Variants in DRICH1 observed in about 807,000 individuals in gnomAD.
The protein encoded by DRICH1 is aspartate-rich protein 1.
DRICH1 carries 38 observed loss-of-function variants against 39.5 expected under a neutral mutation model. The observed-to-expected ratio is 0.96, with a 90% CI of 0.74 to 1.26. DRICH1 has a LOEUF of 1.26. Among genes scored for constraint, DRICH1 ranks in the 50% most tolerant of loss-of-function variants. The pLI, the probability that DRICH1 is intolerant of heterozygous loss-of-function variation, is 0.00. For missense variants in DRICH1, 279 were observed against 270.4 expected, an observed-to-expected ratio of 1.03 and a Z score of -0.22; for synonymous variants, 84 against 99.5, an observed-to-expected ratio of 0.84 and a Z score of 0.93.
chr22:23,613,193 C>G, intron 11 of DRICH1, 96 bp downstream of exon 11: 1 of 866,594 alleles, frequency 1.2e-6, no homozygotes, highest in Non-Finnish European at 2.0e-6. Context: ...GATTTCATAC[C>G]CCCTCCTTCA....
chr22:23,603,451 C>T, the DRICH1 span, among the ~76,000 whole-genome samples: 73 of 152,224 alleles, frequency 4.8e-4, no homozygotes, highest in Admixed American at 2.0e-3. Flanking sequence ...CTGCTCTACA[C>T]CAGCCTCTCA....
the DRICH1 span, among the ~76,000 whole-genome samples, chr22:23,585,549 T>C: frequency 6.6e-6 from 1 of 151,542 alleles, no homozygotes; most frequent in African/African-American, 2.4e-5. Context: ...TGAGACAGTC[T>C]CACTGTCACC....
chr22:23,584,661 G>A, the DRICH1 span, among the ~76,000 whole-genome samples: 23 of 152,312 alleles, frequency 1.5e-4, no homozygotes, highest in East Asian at 4.2e-3. Flanking sequence ...CCAGGGTGAT[G>A]TTTAATTTTA....
chr22:23,586,001 T>C, the DRICH1 span, among the ~76,000 whole-genome samples: 1 of 152,254 alleles, frequency 6.6e-6, no homozygotes, highest in Admixed American at 6.5e-5. Flanking sequence ...TCTGCAACCC[T>C]TGAATGCAGT....
chr22:23,625,717 G>A lies in DRICH1; in HGVS notation c.276+264C>T, dbSNP rs148159753. On this transcript the variant is annotated intron_variant, in intron 2 of 11. Coordinates refer to ENST00000317749, the MANE Select transcript of DRICH1 (RefSeq NM_016449.4). ...TACCTAAAGCCCCTACCCAACAATC[G>A]ATGTGTGACACCCGGGAAGATTGTG... Among the ~76,000 whole-genome samples the A allele has an allele frequency of 8.4e-3, 1,283 of 152,088 alleles. 27 individuals carry two copies. Among genetic ancestry groups the A allele is most frequent in the East Asian group, 0.079 (409 of 5,178 alleles).
At chr22:23,595,390 G>A in the DRICH1 span, among the ~76,000 whole-genome samples, 1 of 146,554 alleles carries the variant, frequency 6.8e-6, no homozygotes, top group Non-Finnish European at 1.5e-5. Context: ...TGAAATGTTT[G>A]GAGAATTTTT....
intron 4 of DRICH1, 93 bp from the exon 5 acceptor site, chr22:23,620,708 A>G: frequency 6.9e-7 from 1 of 1,441,556 alleles, no homozygotes; most frequent in Non-Finnish European, 9.8e-7. Context: ...ACTTCAGAAA[A>G]CTAGTTGTGA....
At position 23,614,135 on chromosome 22, in the gene DRICH1, G is replaced by A. The variant is rs74953418; in HGVS notation, c.621C>T (p.His207=). ...DEEEEDDDDI[H]ITARIESDLT... is the part of the protein sequence containing the mutation. Reference sequence around the variant, plus strand: ...GAAGACAAAAAAAGGGAGGTCTTACGTGGATGTCATCATCATCTTCTTCTT... The same window carrying A: ...GAAGACAAAAAAAGGGAGGTCTTACATGGATGTCATCATCATCTTCTTCTT... The change falls in exon 9 of 12, where the codon CAC becomes CAT. Residue 207 remains histidine, a splice_region_variant and synonymous_variant. Coordinates refer to ENST00000317749, the MANE Select transcript of DRICH1 (RefSeq NM_016449.4). 12,462 of 1,606,536 alleles carry A rather than the reference G, an allele frequency of 7.8e-3. 68 individuals are homozygous for A. Among genetic ancestry groups the A allele is most frequent in the Non-Finnish European group, 9.2e-3 (10,780 of 1,173,124 alleles).
Position 23,620,576 on chromosome 22 carries a change from T to C in DRICH1, c.406+18A>G, listed in dbSNP as rs1927659109. 6.2e-7 allele frequency: 1 copy of C among 1,612,430 alleles called. No individual in the cohort carries two copies. The highest frequency in any genetic ancestry group is 1.7e-5 in the Admixed American group (1 of 59,982). Reference sequence around the variant, plus strand: ...GCAAGTTTGTTTCTCAGAAAGTGAGTTAGTTCAAGGTACATACCCTGGACA... The same window carrying C: ...GCAAGTTTGTTTCTCAGAAAGTGAGCTAGTTCAAGGTACATACCCTGGACA... On this transcript the variant is annotated intron_variant, in intron 5 of 11. Coordinates refer to ENST00000317749, the MANE Select transcript of DRICH1 (RefSeq NM_016449.4).
intron 3 of DRICH1, chr22:23,624,201 C>T (rs112862120): frequency 0.012 from 11,868 of 985,346 alleles, 82 homozygotes; most frequent in Non-Finnish European, 0.014. Flanking sequence ...TCTGGCACAC[C>T]GCAGAAGAAT....
intron 3 of DRICH1, chr22:23,624,407 A>G (rs1602347258): frequency 4.4e-6 from 4 of 907,092 alleles, no homozygotes; most frequent in Non-Finnish European, 5.3e-6. Flanking sequence ...ACCTGATGAC[A>G]TTAAACTCTG....
the DRICH1 span, among the ~76,000 whole-genome samples, chr22:23,586,496 A>T: frequency 1.3e-5 from 2 of 152,280 alleles, no homozygotes; most frequent in African/African-American, 4.8e-5. Context: ...TTCAAAAGAA[A>T]ACCAAAAAAC....
chr22:23,620,282 A>G (rs1038980763), intron 5 of DRICH1, among the ~76,000 whole-genome samples: 10 of 152,108 alleles, frequency 6.6e-5, no homozygotes, highest in Non-Finnish European at 1.5e-4. Context: ...GCCCACCTGG[A>G]AAGGTAACCT....
At chr22:23,587,723 G>A in the DRICH1 span, among the ~76,000 whole-genome samples, 5 of 152,300 alleles carry the variant, frequency 3.3e-5, no homozygotes, top group East Asian at 9.7e-4. Flanking sequence ...CTAATGTCAG[G>A]GCTCACAGAA....
chr22:23,623,143 G>T (rs911192201), intron 3 of DRICH1, among the ~76,000 whole-genome samples: 1 of 152,162 alleles, frequency 6.6e-6, no homozygotes, highest in Non-Finnish European at 1.5e-5. Flanking sequence ...GGTGGCTCAT[G>T]CCTATAATCC....
intron 1 of DRICH1, among the ~76,000 whole-genome samples, chr22:23,629,019 G>A (rs1297003681): frequency 2.6e-5 from 4 of 151,286 alleles, no homozygotes; most frequent in African/African-American, 4.9e-5. Context: ...TTTCTCCTCC[G>A]CTCTTCTCTT....
At chr22:23,607,855 G>A (rs957339532), downstream of DRICH1, among the ~76,000 whole-genome samples, 1 of 152,236 alleles carries the variant, frequency 6.6e-6, no homozygotes, top group African/African-American at 2.4e-5. Flanking sequence ...CCCAAGGGGA[G>A]CTCCTGAGGA....
At position 23,616,856 on chromosome 22, in the gene DRICH1, G is replaced by A; in HGVS notation, c.538C>T (p.Gln180Ter). Residue 180 changes from glutamine to a stop codon, truncating the protein, a stop_gained, in exon 8 of 12, where the codon CAG becomes TAG. Coordinates refer to ENST00000317749, the MANE Select transcript of DRICH1 (RefSeq NM_016449.4). LOFTEE classifies it high-confidence loss of function. ...DDAQILPSPV[Q>*]ACSEDSLFLR... ...TGAGTTAGTTCAAGGTACATACCCTGGACAGGTGACGGTAAAATCTGCAAT... is the reference window on the plus strand; with the variant it reads ...TGAGTTAGTTCAAGGTACATACCCTAGACAGGTGACGGTAAAATCTGCAAT... 6.2e-7 allele frequency: 1 copy of A among 1,614,062 alleles called. No individual in the cohort carries two copies. The highest frequency in any genetic ancestry group is 2.2e-5 in the East Asian group (1 of 44,884).
chr22:23,607,538 C>CAG (rs776910192), downstream of DRICH1, among the ~76,000 whole-genome samples: 1 of 147,432 alleles, frequency 6.8e-6, no homozygotes, highest in South Asian at 2.2e-4. Flanking sequence ...CTGGCGGGGG[C>CAG]GGGGGGGGGC....
Sources: allele counts gnomAD v4.1 joint callset (sites outside exome capture counted in the v4.1 genomes callset), GRCh38; gene constraint gnomAD v4.1.1; transcripts MANE v1.5; gene names NCBI Gene and HGNC (gene_info 2026-07-23, HGNC 2026-07-21).